The following FBXL13 variants were observed in gnomAD, a reference collection of about 807,000 sequenced individuals.
FBXL13 encodes F-box and leucine-rich repeat protein 13.
Under a neutral mutation model 83.6 loss-of-function variants are expected in FBXL13, and 67 were observed. That is an observed-to-expected ratio of 0.80 (90% confidence interval 0.66 to 0.98). The LOEUF is 0.98. FBXL13 is among the 50% of genes least tolerant of loss of function. The pLI is 0.00. For synonymous variants in FBXL13, 272 were observed against 299.5 expected (o/e 0.91, Z 0.95); for missense variants, 822 against 866.5 (o/e 0.95, Z 0.64).
intron 8 of FBXL13, among the ~76,000 whole-genome samples, chr7:102,960,566 A>G (rs1825025722): frequency 6.6e-6 from 1 of 151,828 alleles, no homozygotes; most frequent in Admixed American, 6.6e-5. Flanking sequence ...CTTGATGAAC[A>G]TTGATGCAAA....
chr7:102,899,333 G>T (rs987153158), intron 11 of FBXL13, among the ~76,000 whole-genome samples: 1 of 152,198 alleles, frequency 6.6e-6, no homozygotes, highest in African/African-American at 2.4e-5. Context: ...TAGCTAGAAT[G>T]GGAATGAATG....
chr7:103,024,135 A>AG (rs1793552982), intron 6 of FBXL13, among the ~76,000 whole-genome samples: 1 of 96,586 alleles, frequency 1.0e-5, no homozygotes, highest in Non-Finnish European at 2.2e-5. Context: ...AAAAGTTAAA[A>AG]AGAGAGAGAG....
chr7:102,977,647 A>C (rs1343360061), intron 6 of FBXL13, among the ~76,000 whole-genome samples: 1 of 152,186 alleles, frequency 6.6e-6, no homozygotes, highest in African/African-American at 2.4e-5. Flanking sequence ...AGCTACAGTT[A>C]ACTATGTTTA....
chr7:102,961,764 G>T (rs1338707060), intron 8 of FBXL13, among the ~76,000 whole-genome samples: 10 of 139,812 alleles, frequency 7.2e-5, no homozygotes, highest in African/African-American at 1.9e-4. Context: ...AAATGGTGCT[G>T]GGAAAACTGG....
chr7:102,954,502 A>G (rs895731876), intron 8 of FBXL13, among the ~76,000 whole-genome samples: 29 of 152,204 alleles, frequency 1.9e-4, no homozygotes, highest in Non-Finnish European at 1.0e-4. Flanking sequence ...CAAAACAAAC[A>G]GCAAACATCA....
At chr7:102,826,769 A>ATATATATATATATATATATATG (rs1414065543) in intron 18 of FBXL13, among the ~76,000 whole-genome samples, 9 of 100,742 alleles carry the variant, frequency 8.9e-5, no homozygotes, top group Non-Finnish European at 1.2e-4. Context: ...ATATATATAT[A>ATATATATATATATATATATATG]TATGTATATA....
intron 11 of FBXL13, among the ~76,000 whole-genome samples, chr7:102,910,265 C>T (rs1332127675): frequency 1.3e-5 from 2 of 152,204 alleles, no homozygotes; most frequent in South Asian, 2.1e-4. Context: ...GTGGCACTGG[C>T]GATTCAGGAC....
intron 11 of FBXL13, among the ~76,000 whole-genome samples, chr7:102,890,456 C>T (rs1811394161): frequency 6.6e-6 from 1 of 152,192 alleles, no homozygotes; most frequent in Non-Finnish European, 1.5e-5. Flanking sequence ...GGTGTTCCAA[C>T]CACAAGTCCC....
intron 8 of FBXL13, among the ~76,000 whole-genome samples, chr7:102,952,708 G>GCACCA (rs907446248): frequency 6.6e-6 from 1 of 152,124 alleles, no homozygotes; most frequent in Non-Finnish European, 1.5e-5. Context: ...ACAAGGCCAG[G>GCACCA]CACCATGGCT....
chr7:103,048,182 T>C (rs572346349), intron 2 of FBXL13, among the ~76,000 whole-genome samples: 1 of 152,262 alleles, frequency 6.6e-6, no homozygotes, highest in Non-Finnish European at 1.5e-5. Flanking sequence ...AAGACCATTT[T>C]AAAGCTGAAA....
At chr7:102,824,785 CTTTT>C (rs57237364) in intron 18 of FBXL13, among the ~76,000 whole-genome samples, 162 of 124,062 alleles carry the variant, frequency 1.3e-3, no homozygotes, top group African/African-American at 4.2e-3. Context: ...CATGCCCGGC[CTTTT>C]TTTTTTTTTT....
At chr7:102,895,610 A>C (rs1465530922) in intron 11 of FBXL13, among the ~76,000 whole-genome samples, 1 of 152,206 alleles carries the variant, frequency 6.6e-6, no homozygotes, top group Non-Finnish European at 1.5e-5. Flanking sequence ...GCAGAGGGCC[A>C]TAACCCATCG....
intron 1 of FBXL13, among the ~76,000 whole-genome samples, chr7:103,061,295 C>CT (rs1797881139): frequency 6.6e-6 from 1 of 152,084 alleles, no homozygotes; most frequent in Admixed American, 6.5e-5. Flanking sequence ...ACAAAGGACT[C>CT]TGATACCTGC....
chr7:102,959,290 G>T (rs968902712), intron 8 of FBXL13, among the ~76,000 whole-genome samples: 1 of 152,020 alleles, frequency 6.6e-6, no homozygotes, highest in African/African-American at 2.4e-5. Flanking sequence ...TACAGACACA[G>T]TTGAAACTCC....
At chr7:102,812,840 C>CTT (rs908090315), downstream of FBXL13, among the ~76,000 whole-genome samples, 72 of 122,540 alleles carry the variant, frequency 5.9e-4, no homozygotes, top group Middle Eastern at 4.1e-3. Flanking sequence ...GATTTGGCTT[C>CTT]TTTTTTTTTT....
At chr7:102,946,461 C>G (rs1207987634) in intron 8 of FBXL13, among the ~76,000 whole-genome samples, 3 of 152,138 alleles carry the variant, frequency 2.0e-5, no homozygotes, top group Non-Finnish European at 4.4e-5. Context: ...CTTCCAGAAC[C>G]AAACCCCAAA....
chr7:102,921,240 A>G (rs1230072495), intron 10 of FBXL13, among the ~76,000 whole-genome samples: 1 of 152,390 alleles, frequency 6.6e-6, no homozygotes, highest in East Asian at 1.9e-4. Flanking sequence ...GTAATGAAAC[A>G]TGATGCTTAC....
At chr7:103,018,030 A>C (rs1181926338) in intron 6 of FBXL13, among the ~76,000 whole-genome samples, 1 of 152,152 alleles carries the variant, frequency 6.6e-6, no homozygotes, top group Admixed American at 6.5e-5. Context: ...TGTCAGATTC[A>C]CCAAAGTTGA....
intron 8 of FBXL13, among the ~76,000 whole-genome samples, chr7:102,954,116 C>T (rs888535038): frequency 6.6e-6 from 1 of 152,134 alleles, no homozygotes; most frequent in Non-Finnish European, 1.5e-5. Context: ...AAAGCCAAAG[C>T]AGGGCAGAGC....
Sources: allele counts gnomAD v4.1 joint callset (sites outside exome capture counted in the v4.1 genomes callset), GRCh38; gene constraint gnomAD v4.1.1; transcripts MANE v1.5; gene names NCBI Gene and HGNC (gene_info 2026-07-23, HGNC 2026-07-21).